CNTN4: variants seen among roughly 807,000 people sequenced by gnomAD.
CNTN4 encodes the protein contactin 4.
In CNTN4, 77 loss-of-function variants were observed where a neutral mutation model predicts 122.5. The ratio of observed to expected loss-of-function variants is 0.63; its 90% CI spans 0.52 to 0.76. The LOEUF (loss-of-function observed/expected upper bound fraction) is 0.76, where lower values mean the gene tolerates loss of function less well. CNTN4 is among the 30% of genes least tolerant of loss of function. The probability of loss-of-function intolerance (pLI) is 0.00; values close to 1 mark genes in which losing one functional copy is unlikely to be tolerated. For missense variants in CNTN4, 1,256 were observed against 1,259.1 expected, an observed-to-expected ratio of 1.00 and a Z score of 0.04; for synonymous variants, 512 against 447.0, an observed-to-expected ratio of 1.15 and a Z score of -1.83.
At chr3:2,675,047 A>G (rs1183274699) in intron 4 of CNTN4, among the ~76,000 whole-genome samples, 1 of 152,232 alleles carries the variant, frequency 6.6e-6, no homozygotes, top group Non-Finnish European at 1.5e-5. Flanking sequence ...AAAAACAGAC[A>G]AATGGAATTA....
intron 4 of CNTN4, among the ~76,000 whole-genome samples, chr3:2,673,765 A>T (rs1423795168): frequency 2.6e-5 from 4 of 151,856 alleles, no homozygotes; most frequent in African/African-American, 9.7e-5. Flanking sequence ...GATGGTCTTG[A>T]TTTCCCGACC....
chr3:2,272,655 T>G (rs1459814856), intron 2 of CNTN4, among the ~76,000 whole-genome samples: 6 of 152,110 alleles, frequency 3.9e-5, no homozygotes, highest in Non-Finnish European at 4.4e-5. Context: ...TGAGGTGGAG[T>G]ATTTTTCCAT....
chr3:2,973,163 AAAAT>A (rs972168661), intron 13 of CNTN4, among the ~76,000 whole-genome samples: 57 of 152,086 alleles, frequency 3.7e-4, no homozygotes, highest in Admixed American at 6.5e-5. Flanking sequence ...CCTAGGGAAG[AAAAT>A]AGTTGAGTCT....
chr3:2,817,818 A>C (rs1039732195), intron 6 of CNTN4, among the ~76,000 whole-genome samples: 6 of 152,222 alleles, frequency 3.9e-5, no homozygotes, highest in African/African-American at 1.4e-4. Flanking sequence ...TGTTATTTTT[A>C]GGGATAATGG....
At chr3:2,869,720 T>C (rs1260576689) in intron 8 of CNTN4, among the ~76,000 whole-genome samples, 1 of 152,204 alleles carries the variant, frequency 6.6e-6, no homozygotes, top group Admixed American at 6.5e-5. Context: ...GATCAGCGTT[T>C]TCATCCGACT....
intron 6 of CNTN4, among the ~76,000 whole-genome samples, chr3:2,782,302 C>G (rs1035954965): frequency 4.0e-5 from 6 of 149,668 alleles, no homozygotes; most frequent in Admixed American, 1.4e-4. Flanking sequence ...TGGGGGGGGG[C>G]CTTAGAATTT....
rs1277148971 is a variant in CNTN4, at chr3:2,747,349, C to T, written c.358+1652C>T. On this transcript the variant is annotated intron_variant, in intron 6 of 24. Transcript: ENST00000418658. ...GCGGGAACCCGGGAGGCGGAGCTTGCAGTGAGCCGAGATGGCGCCACTGGA... is the reference window on the plus strand; with the variant it reads ...GCGGGAACCCGGGAGGCGGAGCTTGTAGTGAGCCGAGATGGCGCCACTGGA... Among the ~76,000 whole-genome samples the T allele has an allele frequency of 7.3e-5, 11 of 151,036 alleles. No homozygotes were observed. The East Asian group carries it at 2.2e-3, about 30-fold the overall frequency.
In CNTN4 at chr3:2,618,390, C is replaced by T. The variant is rs1398620671; in HGVS notation, c.55+46832C>T. Among the ~76,000 whole-genome samples the T allele has an allele frequency of 3.3e-5, 5 of 151,974 alleles. No individual in the cohort carries two copies. The East Asian group carries it at 5.8e-4, about 18-fold the overall frequency. ...TTGTATATATACATGTTTACGTATACACATATTATTACAAATGTTTGCTCT... is the reference window on the plus strand; with the variant it reads ...TTGTATATATACATGTTTACGTATATACATATTATTACAAATGTTTGCTCT... On this transcript the variant is annotated intron_variant, in intron 4 of 24. Coordinates refer to ENST00000418658, the MANE Select transcript of CNTN4 (RefSeq NM_175607.3).
At chr3:2,254,957 G>A (rs374166757) in intron 2 of CNTN4, among the ~76,000 whole-genome samples, 1 of 152,086 alleles carries the variant, frequency 6.6e-6, no homozygotes, top group South Asian at 2.1e-4. Flanking sequence ...TGAAGTCTTT[G>A]CCCATGCCTA....
At chr3:2,740,446 A>G (rs2089394933) in intron 5 of CNTN4, among the ~76,000 whole-genome samples, 1 of 152,226 alleles carries the variant, frequency 6.6e-6, no homozygotes, top group Admixed American at 6.5e-5. Flanking sequence ...GATAACATAC[A>G]TGATAAAATT....
At chr3:2,849,811 T>C (rs2093516782) in intron 7 of CNTN4, among the ~76,000 whole-genome samples, 1 of 152,088 alleles carries the variant, frequency 6.6e-6, no homozygotes, top group Non-Finnish European at 1.5e-5. Context: ...ATAATGTGAG[T>C]CAGGTGGAGA....
intron 2 of CNTN4, among the ~76,000 whole-genome samples, chr3:2,222,475 A>G (rs901338616): frequency 3.3e-5 from 5 of 152,122 alleles, no homozygotes; most frequent in African/African-American, 9.7e-5. Flanking sequence ...AATGTTCTGA[A>G]ATTGGGTGGA....
At chr3:2,426,715 TG>T in intron 3 of CNTN4, among the ~76,000 whole-genome samples, 1 of 152,312 alleles carries the variant, frequency 6.6e-6, no homozygotes, top group South Asian at 2.1e-4. Flanking sequence ...TTTTTTTGGT[TG>T]GTAGGCTCTT....
chr3:2,279,237 T>G (rs184078959), intron 2 of CNTN4, among the ~76,000 whole-genome samples: 379 of 152,296 alleles, frequency 2.5e-3, no homozygotes, highest in Non-Finnish European at 4.0e-3. Flanking sequence ...TTGTATAATG[T>G]CAAGGTGGAA....
intron 2 of CNTN4, among the ~76,000 whole-genome samples, chr3:2,124,631 G>C (rs1298357447): frequency 6.6e-6 from 1 of 151,834 alleles, no homozygotes; most frequent in East Asian, 1.9e-4. Context: ...AACAACATCT[G>C]GGCATGGTGG....
rs57139806 is a variant in CNTN4, at chr3:2,363,581, A to G, written c.-89+24348A>G. 2.1e-4 allele frequency among the ~76,000 whole-genome samples: 32 copies of G among 152,144 alleles called. No homozygotes were observed. In the East Asian group the frequency reaches 2.9e-3, roughly 14 times the overall value. On this transcript the variant is annotated intron_variant, in intron 3 of 24. Transcript: ENST00000418658. ...CATATTTTATATGTGTAGAATCTCT[A>G]TCTAGGGTGTCTCAGTTAGTAATTC...
At chr3:2,301,109 C>T (rs1043955112) in intron 2 of CNTN4, among the ~76,000 whole-genome samples, 11 of 152,092 alleles carry the variant, frequency 7.2e-5, no homozygotes, top group Non-Finnish European at 8.8e-5. Flanking sequence ...TATCTCAATC[C>T]GCCAGATGTT....
intron 2 of CNTN4, among the ~76,000 whole-genome samples, chr3:2,245,983 C>T (rs1001364457): frequency 3.4e-4 from 52 of 152,064 alleles, no homozygotes; most frequent in Non-Finnish European, 4.4e-4. Context: ...TGCACACATG[C>T]GTGCTCTACC....
intron 3 of CNTN4, among the ~76,000 whole-genome samples, chr3:2,447,730 T>C (rs996898587): frequency 6.6e-6 from 1 of 152,184 alleles, no homozygotes; most frequent in African/African-American, 2.4e-5. Context: ...AGTATGAATA[T>C]TCAATACATT....
Sources: allele counts gnomAD v4.1 joint callset (sites outside exome capture counted in the v4.1 genomes callset), GRCh38; gene constraint gnomAD v4.1.1; transcripts MANE v1.5; gene names NCBI Gene and HGNC (gene_info 2026-07-23, HGNC 2026-07-21).